Variants in SGCD observed in about 807,000 individuals in gnomAD.
SGCD encodes sarcoglycan delta.
SGCD carries 18 observed loss-of-function variants against 36.6 expected under a neutral mutation model. The ratio of observed to expected loss-of-function variants is 0.49; its 90% CI spans 0.34 to 0.73. The LOEUF (loss-of-function observed/expected upper bound fraction) is 0.73. Among genes scored for constraint, SGCD ranks in the 30% least tolerant of loss-of-function variants. The pLI is 0.01. For missense variants in SGCD, 387 were observed against 346.7 expected, an observed-to-expected ratio of 1.12 and a Z score of -0.92; for synonymous variants, 133 against 130.6, an observed-to-expected ratio of 1.02 and a Z score of -0.12.
At chr5:156,512,191 C>CAA (rs759345867) in intron 4 of SGCD, among the ~76,000 whole-genome samples, 12,621 of 66,166 alleles carry the variant, frequency 0.19, 1,107 homozygotes, top group East Asian at 0.24. Context: ...GACTCTGTCT[C>CAA]AAAAAAAAAA....
At chr5:156,294,375 T>C (rs78528035) in intron 3 of SGCD, among the ~76,000 whole-genome samples, 5,308 of 152,156 alleles carry the variant, frequency 0.035, 191 homozygotes, top group Admixed American at 0.11. Context: ...GGCAAGAGGA[T>C]CACTTGAGGT....
At chr5:156,528,877 T>C (rs1445582367) in intron 4 of SGCD, among the ~76,000 whole-genome samples, 4 of 152,200 alleles carry the variant, frequency 2.6e-5, no homozygotes, top group Admixed American at 2.0e-4. Context: ...ATCATCACTA[T>C]GGCATTTCAA....
chr5:156,035,336 T>C (rs1309654154), intron 1 of SGCD, among the ~76,000 whole-genome samples: 1 of 152,188 alleles, frequency 6.6e-6, no homozygotes, highest in African/African-American at 2.4e-5. Context: ...GGGCCAGTCA[T>C]GGTGGCTCAT....
chr5:155,991,566 T>A (rs1389845233), intron 1 of SGCD, among the ~76,000 whole-genome samples: 2 of 152,194 alleles, frequency 1.3e-5, no homozygotes, highest in Non-Finnish European at 2.9e-5. Context: ...TTTAAAAAGA[T>A]TACAAGTTAT....
chr5:156,150,606 C>T (rs1400550243), intron 3 of SGCD, among the ~76,000 whole-genome samples: 3 of 151,624 alleles, frequency 2.0e-5, no homozygotes, highest in African/African-American at 7.3e-5. Flanking sequence ...ATTGAATTAA[C>T]ACTTTCTGTG....
intron 3 of SGCD, among the ~76,000 whole-genome samples, chr5:156,216,045 G>A (rs1194421244): frequency 1.3e-5 from 2 of 152,132 alleles, no homozygotes; most frequent in Admixed American, 6.5e-5. Context: ...GGATGAACCT[G>A]GAGGACATTA....
chr5:156,577,646 G>T (rs553120602), intron 4 of SGCD, among the ~76,000 whole-genome samples: 23 of 152,148 alleles, frequency 1.5e-4, no homozygotes, highest in Non-Finnish European at 2.5e-4. Context: ...CTTGTAAATT[G>T]GATTTCTAGG....
At chr5:156,309,701 T>C (rs1256769887) in intron 3 of SGCD, among the ~76,000 whole-genome samples, 2 of 151,414 alleles carry the variant, frequency 1.3e-5, no homozygotes, top group African/African-American at 4.9e-5. Flanking sequence ...TTGGTCAGAC[T>C]GGTCTTGAAC....
chr5:155,792,433 C>CAAAA, the SGCD span, among the ~76,000 whole-genome samples: 10 of 92,320 alleles, frequency 1.1e-4, 1 homozygote, highest in African/African-American at 2.1e-4. Context: ...TTCTACATAG[C>CAAAA]AAAAAAAAAA....
chr5:156,684,830 T>C (rs1428919664), intron 7 of SGCD, among the ~76,000 whole-genome samples: 1 of 152,190 alleles, frequency 6.6e-6, no homozygotes, highest in Non-Finnish European at 1.5e-5. Flanking sequence ...TGGGGGATGG[T>C]TGGGGCTTAA....
chr5:156,672,720 T>C (rs1029769841), intron 7 of SGCD, among the ~76,000 whole-genome samples: 1 of 152,186 alleles, frequency 6.6e-6, no homozygotes, highest in African/African-American at 2.4e-5. Flanking sequence ...TTATAGCCAT[T>C]GTATGAGTGT....
At chr5:156,492,176 A>G (rs1243580153) in intron 3 of SGCD, among the ~76,000 whole-genome samples, 1 of 152,162 alleles carries the variant, frequency 6.6e-6, no homozygotes, top group African/African-American at 2.4e-5. Context: ...TGTCATTCTC[A>G]CTTGCATTTT....
chr5:156,692,882 G>A (rs1466610105), intron 7 of SGCD, among the ~76,000 whole-genome samples: 1 of 152,206 alleles, frequency 6.6e-6, no homozygotes, highest in South Asian at 2.1e-4. Context: ...TTTAGTGTAT[G>A]TACTTGGAAG....
At chr5:156,483,491 A>G (rs1281803967) in intron 3 of SGCD, among the ~76,000 whole-genome samples, 2 of 152,214 alleles carry the variant, frequency 1.3e-5, no homozygotes, top group Non-Finnish European at 2.9e-5. Context: ...GACTTCTGCT[A>G]CACACCCACG....
At chr5:156,608,415 G>T (rs1761594372) in intron 6 of SGCD, among the ~76,000 whole-genome samples, 1 of 152,158 alleles carries the variant, frequency 6.6e-6, no homozygotes, top group Non-Finnish European at 1.5e-5. Flanking sequence ...GAGACAGTTT[G>T]TTATAATTTC....
chr5:156,678,248 G>A (rs1753589475), intron 7 of SGCD, among the ~76,000 whole-genome samples: 1 of 152,188 alleles, frequency 6.6e-6, no homozygotes, highest in South Asian at 2.1e-4. Context: ...ATTGTAAGCT[G>A]TGAAACAGTG....
At chr5:155,941,989 C>T (rs542546119) in intron 1 of SGCD, among the ~76,000 whole-genome samples, 52 of 152,228 alleles carry the variant, frequency 3.4e-4, no homozygotes, top group Middle Eastern at 3.4e-3. Flanking sequence ...AAAAAATGCT[C>T]AGATCTAATG....
chr5:156,601,734 A>G (rs1019488109), intron 6 of SGCD, among the ~76,000 whole-genome samples: 1 of 152,054 alleles, frequency 6.6e-6, no homozygotes, highest in Non-Finnish European at 1.5e-5. Context: ...CCCATGCTGG[A>G]GTGCAGTGGC....
intron 1 of SGCD, among the ~76,000 whole-genome samples, chr5:156,096,811 C>T (rs1377681791): frequency 1.3e-5 from 2 of 152,196 alleles, no homozygotes; most frequent in East Asian, 3.8e-4. Flanking sequence ...GGTTATACTT[C>T]CTCAAATTCC....
Sources: gnomAD v4.1 joint callset for allele counts (sites outside exome capture counted in the v4.1 genomes callset) on GRCh38, gnomAD v4.1.1 for gene constraint, MANE v1.5 for transcripts, NCBI Gene and HGNC (gene_info 2026-07-23, HGNC 2026-07-21) for gene names.